DLGAP2: variants seen among roughly 807,000 people sequenced by gnomAD.
DLGAP2 encodes DLG associated protein 2, also known as disks large-associated protein 2.
DLGAP2 carries 26 observed loss-of-function variants against 100.3 expected under a neutral mutation model. The ratio of observed to expected loss-of-function variants is 0.26; its 90% CI spans 0.19 to 0.36. The LOEUF is 0.36. Among genes scored for constraint, DLGAP2 ranks in the 10% least tolerant of loss-of-function variants. DLGAP2 has a pLI of 1.00. For synonymous variants in DLGAP2, 886 were observed against 630.1 expected (o/e 1.41, Z -6.08); for missense variants, 1,858 against 1,453.2 (o/e 1.28, Z -4.53).
At chr8:750,356 G>C (rs1179347950) in intron 1 of DLGAP2, among the ~76,000 whole-genome samples, 1 of 152,156 alleles carries the variant, frequency 6.6e-6, no homozygotes, top group African/African-American at 2.4e-5. Context: ...AAAATAAAAA[G>C]GAACAGAAAT....
intron 4 of DLGAP2, among the ~76,000 whole-genome samples, chr8:1,548,249 C>T (rs1030284320): frequency 5.3e-5 from 8 of 152,022 alleles, no homozygotes; most frequent in African/African-American, 7.2e-5. Context: ...CACCTGAGGT[C>T]AGGAGTTTGA....
intron 1 of DLGAP2, among the ~76,000 whole-genome samples, chr8:799,483 G>A (rs1796103319): frequency 6.6e-6 from 1 of 152,194 alleles, no homozygotes; most frequent in Non-Finnish European, 1.5e-5. Context: ...GGCAAATTCA[G>A]CTTACTTCAT....
intron 2 of DLGAP2, among the ~76,000 whole-genome samples, chr8:1,008,530 G>A (rs185973007): frequency 9.8e-5 from 15 of 152,296 alleles, no homozygotes; most frequent in Admixed American, 3.3e-4. Context: ...TATAATTTCC[G>A]ATGGCTGTTC....
intron 2 of DLGAP2, among the ~76,000 whole-genome samples, chr8:1,001,108 T>C (rs982002492): frequency 6.6e-6 from 1 of 152,236 alleles, no homozygotes; most frequent in East Asian, 1.9e-4. Flanking sequence ...CTCCACTCTC[T>C]TCTTTTGATA....
intron 2 of DLGAP2, among the ~76,000 whole-genome samples, chr8:1,116,857 T>C (rs142829690): frequency 6.6e-6 from 1 of 152,204 alleles, no homozygotes; most frequent in African/African-American, 2.4e-5. Flanking sequence ...CACGAAGAAC[T>C]GAATAAAAAT....
rs186576752 is a variant in DLGAP2, at chr8:1,048,213, G to A, written c.73+140247G>A. Among the ~76,000 whole-genome samples the A allele has an allele frequency of 3.7e-3, 570 of 152,218 alleles. 13 individuals are homozygous for A. The highest frequency in any genetic ancestry group is 0.035 in the Admixed American group (541 of 15,294). On this transcript the variant is annotated intron_variant, in intron 2 of 14. Coordinates refer to ENST00000637795, the MANE Select transcript of DLGAP2 (RefSeq NM_001346810.2). ...GACATCTATGAAGAGCACGTAGATC[G>A]CTCAGAACTGTGCCCGGCGCGTGTT...
chr8:1,290,644 G>T (rs963328745), intron 3 of DLGAP2, among the ~76,000 whole-genome samples: 1 of 152,168 alleles, frequency 6.6e-6, no homozygotes, highest in Non-Finnish European at 1.5e-5. Flanking sequence ...GTGGCAGGAC[G>T]GTGGCTGACC....
At chr8:1,650,426 T>G (rs1798136421) in intron 8 of DLGAP2, among the ~76,000 whole-genome samples, 1 of 152,240 alleles carries the variant, frequency 6.6e-6, no homozygotes, top group South Asian at 2.1e-4. Context: ...CAGCATAAGC[T>G]TAGATCTTGA....
chr8:1,164,010 A>G (rs1346620145), intron 2 of DLGAP2, among the ~76,000 whole-genome samples: 3 of 152,164 alleles, frequency 2.0e-5, no homozygotes, highest in Admixed American at 1.3e-4. Flanking sequence ...GGTTTTTCTT[A>G]GACGAGACGC....
chr8:1,378,627 G>A (rs534419531), intron 3 of DLGAP2, among the ~76,000 whole-genome samples: 5 of 151,386 alleles, frequency 3.3e-5, no homozygotes, highest in African/African-American at 7.3e-5. Flanking sequence ...TCTGTCCTGC[G>A]CACACCTGGC....
chr8:814,850 CAAA>C (rs34412684), intron 1 of DLGAP2, among the ~76,000 whole-genome samples: 1 of 61,866 alleles, frequency 1.6e-5, no homozygotes, highest in Non-Finnish European at 2.9e-5. Context: ...GACTCCGTCT[CAAA>C]AAAAAAAAAA....
At chr8:1,554,776 C>A (rs2956965) in intron 5 of DLGAP2, among the ~76,000 whole-genome samples, 5 of 151,480 alleles carry the variant, frequency 3.3e-5, no homozygotes, top group South Asian at 2.1e-4. Flanking sequence ...CCCAGCCCCC[C>A]CTCCCCCGCG....
chr8:1,627,595 C>T (rs1797537763), intron 7 of DLGAP2, among the ~76,000 whole-genome samples: 1 of 152,262 alleles, frequency 6.6e-6, no homozygotes, highest in Non-Finnish European at 1.5e-5. Context: ...GTTGCTTACT[C>T]ACTTAAATGC....
intron 3 of DLGAP2, among the ~76,000 whole-genome samples, chr8:1,419,602 C>G (rs1797035704): frequency 6.6e-6 from 1 of 152,134 alleles, no homozygotes; most frequent in Non-Finnish European, 1.5e-5. Context: ...TGAACACATG[C>G]TCCAGTATCC....
At chr8:905,306 G>C (rs1798355464) in intron 1 of DLGAP2, among the ~76,000 whole-genome samples, 1 of 152,128 alleles carries the variant, frequency 6.6e-6, no homozygotes, top group Non-Finnish European at 1.5e-5. Context: ...CTCCTGGGGA[G>C]AGTGAGAGGC....
chr8:1,326,532 G>A (rs1009931009), intron 3 of DLGAP2, among the ~76,000 whole-genome samples: 9 of 150,562 alleles, frequency 6.0e-5, no homozygotes, highest in South Asian at 2.1e-4. Flanking sequence ...GTCTCGGTCC[G>A]GTCCTGTCTT....
At chr8:1,338,691 G>C (rs1801345590) in intron 3 of DLGAP2, among the ~76,000 whole-genome samples, 1 of 152,194 alleles carries the variant, frequency 6.6e-6, no homozygotes, top group Admixed American at 6.5e-5. Flanking sequence ...GATCTGTACA[G>C]TATCAGGAGC....
intron 3 of DLGAP2, among the ~76,000 whole-genome samples, chr8:1,495,778 C>A (rs1314196835): frequency 2.6e-5 from 4 of 152,208 alleles, no homozygotes; most frequent in Non-Finnish European, 5.9e-5. Context: ...CCCCCGTATG[C>A]TTTCGCTTTC....
chr8:1,082,302 A>G (rs1006902038), intron 2 of DLGAP2, among the ~76,000 whole-genome samples: 1 of 152,176 alleles, frequency 6.6e-6, no homozygotes, highest in Non-Finnish European at 1.5e-5. Context: ...TCTTTTACAC[A>G]TTGATTTTTT....
Sources: gnomAD v4.1 joint callset for allele counts (sites outside exome capture counted in the v4.1 genomes callset) on GRCh38, gnomAD v4.1.1 for gene constraint, MANE v1.5 for transcripts, NCBI Gene and HGNC (gene_info 2026-07-23, HGNC 2026-07-21) for gene names.